Variants in PCDH9 observed in about 807,000 individuals in gnomAD.
The protein encoded by PCDH9 is protocadherin 9.
A neutral mutation model predicts 70.6 loss-of-function variants in PCDH9; 24 were observed. That is an observed-to-expected ratio of 0.34 (90% CI 0.25 to 0.48). PCDH9 has a LOEUF of 0.48. Ranked by LOEUF, PCDH9 falls within the 20% of genes least tolerant of loss-of-function variation. The pLI is 0.99. For missense variants in PCDH9, 1,281 were observed against 1,503.6 expected (o/e 0.85, Z 2.45); for synonymous variants, 562 against 558.5 (o/e 1.01, Z -0.09).
intron 3 of PCDH9, among the ~76,000 whole-genome samples, chr13:66,775,504 C>T (rs2079876440): frequency 6.6e-6 from 1 of 152,126 alleles, no homozygotes; most frequent in Admixed American, 6.5e-5. Flanking sequence ...TTTGCCTCTG[C>T]CACCCCTGAG....
chr13:66,970,118 C>G (rs1245195428), intron 2 of PCDH9, among the ~76,000 whole-genome samples: 1 of 151,946 alleles, frequency 6.6e-6, no homozygotes, highest in Non-Finnish European at 1.5e-5. Flanking sequence ...CATCTCACAC[C>G]TAGACAAGTT....
chr13:66,450,958 A>G (rs1243041312), intron 4 of PCDH9, among the ~76,000 whole-genome samples: 1 of 152,162 alleles, frequency 6.6e-6, no homozygotes, highest in African/African-American at 2.4e-5. Flanking sequence ...CAGAGCTTGC[A>G]GTGAGCCGAG....
intron 3 of PCDH9, among the ~76,000 whole-genome samples, chr13:66,713,623 G>GTATA (rs762817724): frequency 0.038 from 3,558 of 92,820 alleles, 122 homozygotes; most frequent in African/African-American, 0.075. Flanking sequence ...GTGTGTGTGT[G>GTATA]TGTATATATA....
intron 4 of PCDH9, among the ~76,000 whole-genome samples, chr13:66,470,889 G>T (rs1448584968): frequency 6.6e-6 from 1 of 151,054 alleles, no homozygotes; most frequent in African/African-American, 2.4e-5. Flanking sequence ...GCATATAGAA[G>T]ATCTGATCAG....
chr13:66,587,676 T>G (rs559484360), intron 4 of PCDH9, among the ~76,000 whole-genome samples: 9 of 152,178 alleles, frequency 5.9e-5, no homozygotes, highest in African/African-American at 2.2e-4. Flanking sequence ...TGTGTGTATG[T>G]GGGGTTCAGG....
chr13:67,052,551 C>G (rs894571926), intron 2 of PCDH9, among the ~76,000 whole-genome samples: 1 of 150,830 alleles, frequency 6.6e-6, no homozygotes, highest in Non-Finnish European at 1.5e-5. Context: ...AATCTAGCAG[C>G]AGCTGAAAAA....
At chr13:66,778,189 A>G (rs1281457063) in intron 3 of PCDH9, among the ~76,000 whole-genome samples, 3 of 151,650 alleles carry the variant, frequency 2.0e-5, no homozygotes, top group African/African-American at 7.3e-5. Flanking sequence ...GCTAAATGAC[A>G]AGTTAATGGG....
At chr13:66,847,620 T>G (rs2081234593) in intron 3 of PCDH9, among the ~76,000 whole-genome samples, 2 of 152,216 alleles carry the variant, frequency 1.3e-5, no homozygotes. Flanking sequence ...CCTATTAACT[T>G]AAAAGGAAGC....
At chr13:66,991,628 T>C (rs1375764349) in intron 2 of PCDH9, among the ~76,000 whole-genome samples, 1 of 152,094 alleles carries the variant, frequency 6.6e-6, no homozygotes, top group Non-Finnish European at 1.5e-5. Flanking sequence ...TCCATTAACA[T>C]TTTCACCTGA....
chr13:66,425,887 C>T (rs909305367), intron 4 of PCDH9, among the ~76,000 whole-genome samples: 3 of 151,522 alleles, frequency 2.0e-5, no homozygotes, highest in African/African-American at 7.3e-5. Flanking sequence ...GCTGAAGAGC[C>T]AAGGGTGACT....
intron 2 of PCDH9, among the ~76,000 whole-genome samples, chr13:66,924,188 C>T (rs2082681298): frequency 6.6e-6 from 1 of 151,732 alleles, no homozygotes; most frequent in Non-Finnish European, 1.5e-5. Flanking sequence ...TCTTCTAAAC[C>T]CTTATCAAAT....
chr13:66,550,821 C>T (rs937045912), intron 4 of PCDH9, among the ~76,000 whole-genome samples: 6 of 152,110 alleles, frequency 3.9e-5, no homozygotes, highest in African/African-American at 1.4e-4. Context: ...TATCAACGAA[C>T]ACTCATTCTT....
intron 4 of PCDH9, among the ~76,000 whole-genome samples, chr13:66,548,957 A>G (rs1203718216): frequency 6.6e-6 from 1 of 152,068 alleles, no homozygotes; most frequent in Non-Finnish European, 1.5e-5. Context: ...TTTTGTTAAA[A>G]AGGAAGTTTT....
intron 2 of PCDH9, among the ~76,000 whole-genome samples, chr13:67,017,657 T>C (rs1281920717): frequency 6.6e-6 from 1 of 152,218 alleles, no homozygotes; most frequent in Admixed American, 6.5e-5. Context: ...AACTTAATTA[T>C]ATCCCAAATG....
At chr13:67,151,212 T>A (rs1420808701) in intron 2 of PCDH9, among the ~76,000 whole-genome samples, 2 of 152,156 alleles carry the variant, frequency 1.3e-5, no homozygotes, top group African/African-American at 4.8e-5. Context: ...ATCACATTCA[T>A]GTGTTTTATC....
chr13:66,757,191 C>T (rs1302249922), intron 3 of PCDH9, among the ~76,000 whole-genome samples: 2 of 152,140 alleles, frequency 1.3e-5, no homozygotes, highest in Non-Finnish European at 2.9e-5. Context: ...GGTGCTCTGT[C>T]CCTCTGTCTT....
chr13:66,390,388 A>G lies in PCDH9; in HGVS notation c.3341-85360T>C, dbSNP rs367880875. 2.2e-4 allele frequency among the ~76,000 whole-genome samples: 33 copies of G among 152,250 alleles called. No individual in the cohort carries two copies. In the East Asian group the frequency reaches 5.2e-3, roughly 24 times the overall value. The stretch of plus-strand genomic sequence containing the variant: ...CTACTAGATCTCCAGAATAAATAAG[A>G]ATTCCTGGGGAAACGACAGCCATAA... On this transcript the variant is annotated intron_variant, in intron 4 of 4. Transcript: ENST00000377865.
At chr13:66,740,423 TA>T (rs1186677168) in intron 3 of PCDH9, among the ~76,000 whole-genome samples, 1 of 103,574 alleles carries the variant, frequency 9.7e-6, no homozygotes, top group East Asian at 2.8e-4. Context: ...ACATCACAAT[TA>T]AAAGAACTAG....
At chr13:67,189,685 G>C (rs1360158282) in intron 2 of PCDH9, among the ~76,000 whole-genome samples, 1 of 151,934 alleles carries the variant, frequency 6.6e-6, no homozygotes, top group Non-Finnish European at 1.5e-5. Flanking sequence ...TGAGAAAAGA[G>C]ATAAAAATGT....
Sources: allele counts gnomAD v4.1 joint callset (sites outside exome capture counted in the v4.1 genomes callset), GRCh38; gene constraint gnomAD v4.1.1; transcripts MANE v1.5; gene names NCBI Gene and HGNC (gene_info 2026-07-23, HGNC 2026-07-21).